The following DHPS variants were observed in gnomAD, a reference collection of about 807,000 sequenced individuals.
The protein encoded by DHPS is deoxyhypusine synthase, also known as migration-inducing gene 13.
A neutral mutation model predicts 38.7 loss-of-function variants in DHPS; 24 were observed. The ratio of observed to expected loss-of-function variants is 0.62; its 90% CI spans 0.45 to 0.87. DHPS has a LOEUF of 0.87. Among genes scored for constraint, DHPS ranks in the 40% least tolerant of loss-of-function variants. The pLI is 0.00. For synonymous variants in DHPS, 250 were observed against 204.4 expected (o/e 1.22, Z -1.90); for missense variants, 510 against 497.6 (o/e 1.02, Z -0.24).
At chr19:12,673,167 A>G (rs1014685960), downstream of DHPS, 2 of 1,612,760 alleles carry the variant, frequency 1.2e-6, no homozygotes, top group African/African-American at 1.3e-5. Context: ...CCACCCCTGG[A>G]GAGGACCAAG....
intron 5 of DHPS, 71 bp from the exon 6 acceptor site, chr19:12,677,467 G>T: frequency 7.6e-7 from 1 of 1,307,860 alleles, no homozygotes; most frequent in Non-Finnish European, 1.1e-6. Context: ...ATGACTATCT[G>T]ACTGTGGATG....
At chr19:12,672,794 T>G, downstream of DHPS, 2 of 1,530,294 alleles carry the variant, frequency 1.3e-6, no homozygotes, top group Non-Finnish European at 1.8e-6. Context: ...CAGGGCTGCC[T>G]GGAGCCATGT....
Position 12,681,134 on chromosome 19 carries a change from C to G in DHPS, c.207+426G>C, listed in dbSNP as rs777287823. 3.0e-4 allele frequency: 386 copies of G among 1,277,976 alleles called. 2 individuals carry two copies. Among genetic ancestry groups the G allele is most frequent in the Admixed American group, 1.6e-3 (63 of 39,670 alleles). 79.2% of individuals were successfully genotyped at this position (1,277,976 alleles called of 1,614,324 possible). On this transcript the variant is annotated intron_variant, in intron 1 of 8. Transcript: ENST00000210060. ...GGCATGCGCCACCGCGCCCAGCCAG[C>G]CCCCACCCTTTTAGGAATCAGAGAG...
intron 6 of DHPS, 28 bp downstream of exon 6, chr19:12,677,263 C>T: frequency 6.2e-7 from 1 of 1,614,060 alleles, no homozygotes; most frequent in East Asian, 2.2e-5. Context: ...CCCTCCTTCC[C>T]CTCTCCTCTG....
chr19:12,676,145 G>C lies in DHPS; in HGVS notation c.889-3C>G. The stretch of plus-strand genomic sequence containing the variant: ...ACAGCGTAGTCGGCCCCGTTCCGCT[G>C]TGGGGAGGCGGGGGCACGGTGGGCC... On this transcript the variant is annotated splice_polypyrimidine_tract_variant and splice_region_variant and intron_variant, in intron 7 of 8. Coordinates refer to ENST00000210060, the MANE Select transcript of DHPS (RefSeq NM_001930.4). 6.2e-7 allele frequency: 1 copy of C among 1,605,682 alleles called. No individual in the cohort carries two copies. Among genetic ancestry groups the C allele is most frequent in the Non-Finnish European group, 8.5e-7 (1 of 1,176,642 alleles).
rs778230502 is a variant in DHPS at position 12,677,300 on chromosome 19, T to C, written c.775A>G (p.Ile259Val). The C allele has an allele frequency of 1.9e-6, 3 of 1,614,052 alleles. No individual in the cohort carries two copies. Among genetic ancestry groups the C allele is most frequent in the Middle Eastern group, 1.6e-4 (1 of 6,084 alleles). ...SYKNPGLVLD[I>V]VEDLRLINTQ... ...GGCCCTAGCGCCTCACCCTCAACGA[T>C]GTCCAGGACCAGGCCCGGGTTCTTG... Residue 259 changes from isoleucine to valine, a missense_variant, in exon 6 of 9, where the codon ATC becomes GTC. By Grantham distance (29) the Ile-to-Val change is conservative (BLOSUM62 3). Transcript: ENST00000210060.
Position 12,677,372 on chromosome 19 carries a change from C to T in DHPS, c.703G>A (p.Ala235Thr), listed in dbSNP as rs547740533. The stretch of plus-strand genomic sequence containing the variant: ...TCGCCCAGCGAGCCGTCTGTAAGTG[C>T]GGGACTAAACACAGGGATGTGGTTC... ...QKNHIPVFSP[A>T]LTDGSLGDMI... The change falls in exon 6 of 9, where the codon GCA becomes ACA. Residue 235 changes from alanine to threonine, a missense_variant. By Grantham distance (58) the Ala-to-Thr change is moderately conservative. Coordinates refer to ENST00000210060, the MANE Select transcript of DHPS (RefSeq NM_001930.4). 4.3e-6 allele frequency: 7 copies of T among 1,613,980 alleles called. No homozygotes were observed. Among genetic ancestry groups the T allele is most frequent in the South Asian group, 3.3e-5 (3 of 91,044 alleles).
At chr19:12,675,033 G>A (rs1055196407), downstream of DHPS, among the ~76,000 whole-genome samples, 3 of 151,998 alleles carry the variant, frequency 2.0e-5, no homozygotes, top group African/African-American at 7.2e-5. Context: ...AGAATCGCTT[G>A]AACTAGGGAG....
chr19:12,675,621 C>A, downstream of DHPS: 1 of 1,603,490 alleles, frequency 6.2e-7, no homozygotes, highest in African/African-American at 1.3e-5. Context: ...TGGGAGGCAG[C>A]GTCCAGTGCT....
intron 7 of DHPS, 54 bp downstream of exon 7, chr19:12,677,054 A>C (rs2024617543): frequency 6.5e-7 from 1 of 1,531,268 alleles, no homozygotes; most frequent in South Asian, 1.1e-5. Context: ...CACATGGCAT[A>C]GGCCCACCAC....
At chr19:12,680,094 T>TA in intron 2 of DHPS, 67 bp downstream of exon 2, 1 of 1,596,766 alleles carries the variant, frequency 6.3e-7, no homozygotes. Context: ...CCATCTCACT[T>TA]AAACGATCAA....
Position 12,676,177 on chromosome 19 carries a change from G to A in DHPS, c.889-35C>T, listed in dbSNP as rs767405076. On this transcript the variant is annotated intron_variant, in intron 7 of 8. Transcript: ENST00000210060. ...GGCGGGGGCACGGTGGGCCCAGTCAGCCAGTCACAGGAGACAGACACAGAG... is the reference window on the plus strand; with the variant it reads ...GGCGGGGGCACGGTGGGCCCAGTCAACCAGTCACAGGAGACAGACACAGAG... 5 of 1,560,422 alleles carry A rather than the reference G, an allele frequency of 3.2e-6. No individual in the cohort carries two copies. The Admixed American group carries it at 8.9e-5, about 28-fold the overall frequency.
intron 5 of DHPS, among the ~76,000 whole-genome samples, chr19:12,678,768 C>CA (rs1183531365): frequency 0.065 from 2,967 of 45,978 alleles, 291 homozygotes; most frequent in African/African-American, 0.19. Context: ...GACTCTGTCT[C>CA]AAAAAAAAAA....
downstream of DHPS, chr19:12,673,188 C>G (rs1459198228): frequency 6.2e-7 from 1 of 1,613,910 alleles, no homozygotes; most frequent in Admixed American, 1.7e-5. Context: ...CCCCCCGATC[C>G]TGTCCACCCT....
At chr19:12,677,045 A>G in intron 7 of DHPS, 63 bp downstream of exon 7, 1 of 1,489,164 alleles carries the variant, frequency 6.7e-7, no homozygotes, top group Non-Finnish European at 9.3e-7. Context: ...TCTACCCAGC[A>G]CATGGCATAG....
chr19:12,674,943 A>G (rs1599375255), downstream of DHPS, among the ~76,000 whole-genome samples: 1 of 151,802 alleles, frequency 6.6e-6, no homozygotes, highest in East Asian at 1.9e-4. Flanking sequence ...GTGAAACCCC[A>G]TCTGTACTAA....
downstream of DHPS, chr19:12,673,238 C>G (rs1350426872): frequency 6.2e-7 from 1 of 1,614,062 alleles, no homozygotes; most frequent in South Asian, 1.1e-5. Flanking sequence ...ACAAGCTGGA[C>G]TGCTGCCTGA....
intron 2 of DHPS, 50 bp from the exon 3 acceptor site, chr19:12,679,972 C>T: frequency 6.3e-7 from 1 of 1,584,082 alleles, no homozygotes; most frequent in Middle Eastern, 1.7e-4. Context: ...CCCCTGCCCT[C>T]ATTCTGGGCA....
chr19:12,677,379 A>G lies in DHPS; in HGVS notation c.696T>C (p.Phe232=). The change falls in exon 6 of 9, where the codon TTT becomes TTC. Residue 232 remains phenylalanine (F), a synonymous_variant. Transcript: ENST00000210060. ...GCGAGCCGTCTGTAAGTGCGGGACT[A>G]AACACAGGGATGTGGTTCTGCAGAG... ...YWAQKNHIPV[F]SPALTDGSLG... is the part of the protein sequence containing the mutation. The G allele has an allele frequency of 6.2e-7, 1 of 1,614,054 alleles. No individual in the cohort carries two copies. The highest frequency in any genetic ancestry group is 1.3e-5 in the African/African-American group (1 of 75,044).
Sources: allele counts gnomAD v4.1 joint callset (sites outside exome capture counted in the v4.1 genomes callset), GRCh38; gene constraint gnomAD v4.1.1; transcripts MANE v1.5; gene names NCBI Gene and HGNC (gene_info 2026-07-23, HGNC 2026-07-21).